Variants in TINAG observed in about 807,000 individuals in gnomAD.
TINAG encodes the protein tubulointerstitial nephritis antigen.
In TINAG, 83 loss-of-function variants were observed where a neutral mutation model predicts 72.7. The ratio of observed to expected loss-of-function variants is 1.14; its 90% CI spans 0.96 to 1.37. The LOEUF is 1.37. TINAG is among the 40% of genes most tolerant of loss of function. TINAG has a pLI of 0.00. For synonymous variants in TINAG, 234 were observed against 189.9 expected, an observed-to-expected ratio of 1.23 and a Z score of -1.91; for missense variants, 685 against 576.6, an observed-to-expected ratio of 1.19 and a Z score of -1.93.
intron 7 of TINAG, among the ~76,000 whole-genome samples, chr6:54,350,150 C>T (rs964671158): frequency 6.6e-6 from 1 of 151,930 alleles, no homozygotes; most frequent in Non-Finnish European, 1.5e-5. Context: ...AATTATGTTT[C>T]ATAATATGTG....
At chr6:54,368,389 A>G (rs1010654988) in intron 9 of TINAG, among the ~76,000 whole-genome samples, 3 of 148,610 alleles carry the variant, frequency 2.0e-5, no homozygotes, top group South Asian at 2.1e-4. Context: ...ATTATTATAC[A>G]TTATTAAATT....
chr6:54,333,123 T>C (rs919831258), intron 4 of TINAG, among the ~76,000 whole-genome samples: 2 of 152,184 alleles, frequency 1.3e-5, no homozygotes, highest in Admixed American at 6.5e-5. Context: ...ACTGGGTATA[T>C]ACCTAAAGGT....
intron 3 of TINAG, among the ~76,000 whole-genome samples, chr6:54,323,350 A>C (rs1784534896): frequency 6.6e-6 from 1 of 152,188 alleles, no homozygotes; most frequent in South Asian, 2.1e-4. Flanking sequence ...GAAGTCTTTA[A>C]ATTTAAAAGA....
intron 9 of TINAG, among the ~76,000 whole-genome samples, chr6:54,370,642 C>T (rs1417399837): frequency 6.6e-6 from 1 of 151,984 alleles, no homozygotes; most frequent in Non-Finnish European, 1.5e-5. Context: ...TTTGTTGCAG[C>T]CATCAATTAG....
In TINAG at chr6:54,360,841, G is replaced by GTTTTTTT. The variant is rs70983415; in HGVS notation, c.1250+6230_1250+6236dup. ...GTTTCTTGTGTTTCACAGATACTGT[G>GTTTTTTT]TTTTTTTTTTTTTTTTTTTTTTTTT... On this transcript the variant is annotated intron_variant, in intron 9 of 10. Transcript: ENST00000259782. 6.5e-4 allele frequency among the ~76,000 whole-genome samples: 17 copies of GTTTTTTT among 26,254 alleles called. 2 individuals carry two copies. Among genetic ancestry groups the GTTTTTTT allele is most frequent in the African/African-American group, 8.1e-4 (8 of 9,874 alleles). The allele number at this position is 26,254 out of a possible 152,430, so 17.2% of individuals were successfully genotyped here.
chr6:54,309,871 A>G (rs996914535), intron 1 of TINAG, among the ~76,000 whole-genome samples: 20 of 151,120 alleles, frequency 1.3e-4, no homozygotes, highest in Non-Finnish European at 2.7e-4. Flanking sequence ...TCCAGATGCC[A>G]TAGCCATCAT....
At chr6:54,364,798 T>C (rs970993459) in intron 9 of TINAG, among the ~76,000 whole-genome samples, 2 of 151,396 alleles carry the variant, frequency 1.3e-5, no homozygotes, top group Admixed American at 6.6e-5. Context: ...CTATCATCTG[T>C]CTATCTAGCT....
intron 9 of TINAG, among the ~76,000 whole-genome samples, chr6:54,371,472 A>T (rs1763604826): frequency 1.3e-5 from 2 of 151,862 alleles, no homozygotes; most frequent in South Asian, 4.1e-4. Flanking sequence ...ATGTATTTTC[A>T]GAATTAAAAA....
At chr6:54,368,870 C>T (rs1213703860) in intron 9 of TINAG, among the ~76,000 whole-genome samples, 1 of 151,500 alleles carries the variant, frequency 6.6e-6, no homozygotes, top group African/African-American at 2.4e-5. Context: ...CAGATAAATG[C>T]TATATTTCAG....
At chr6:54,361,874 G>C (rs928827622) in intron 9 of TINAG, among the ~76,000 whole-genome samples, 112 of 151,700 alleles carry the variant, frequency 7.4e-4, no homozygotes, top group Non-Finnish European at 7.7e-4. Context: ...TAGTGGACTG[G>C]AAAGAAGATC....
intron 9 of TINAG, among the ~76,000 whole-genome samples, chr6:54,355,845 G>C (rs531943903): frequency 3.7e-4 from 56 of 150,798 alleles, no homozygotes; most frequent in African/African-American, 1.3e-3. Flanking sequence ...GAGAAACAAA[G>C]AAAGAAAGAA....
chr6:54,308,961 C>T (rs368092557), intron 1 of TINAG, 56 bp downstream of exon 1: 3 of 1,352,382 alleles, frequency 2.2e-6, no homozygotes, highest in East Asian at 2.3e-5. Context: ...CAAGATCTGA[C>T]AAACGTTCTC....
rs568202314 is a variant in TINAG at position 54,358,076 on chromosome 6, GC to G, written c.1250+3442del. On this transcript the variant is annotated intron_variant, in intron 9 of 10. Transcript: ENST00000259782. ...ATGTTTCAGCAACATGTACCCCAGT[GC>G]CTTTCCCTCTACCTAAAATGCTCTT... Among the ~76,000 whole-genome samples, 1,000 of 151,708 alleles carry G rather than the reference GC, an allele frequency of 6.6e-3. 6 individuals carry two copies. The highest frequency in any genetic ancestry group is 0.011 in the Non-Finnish European group (741 of 67,832).
upstream of TINAG, chr6:54,308,433 G>A (rs147055356): frequency 4.4e-5 from 35 of 800,312 alleles, no homozygotes; most frequent in African/African-American, 5.1e-4. Context: ...TAAAGGATCA[G>A]TTTCAGGGTT....
chr6:54,368,317 T>G (rs745832397), intron 9 of TINAG, among the ~76,000 whole-genome samples: 61 of 147,776 alleles, frequency 4.1e-4, no homozygotes, highest in Non-Finnish European at 7.9e-4. Flanking sequence ...AAGTAATTAT[T>G]AAGTAATAAT....
chr6:54,348,195 T>C (rs1785171580), intron 6 of TINAG, among the ~76,000 whole-genome samples: 2 of 152,134 alleles, frequency 1.3e-5, no homozygotes, highest in African/African-American at 2.4e-5. Context: ...GCTATAGGAC[T>C]AGTTAGATGC....
intron 5 of TINAG, among the ~76,000 whole-genome samples, chr6:54,346,699 C>T (rs1320657751): frequency 1.3e-5 from 2 of 151,734 alleles, no homozygotes; most frequent in Admixed American, 1.3e-4. Context: ...AATTCCATGT[C>T]TACTAAAACA....
chr6:54,358,677 T>C (rs1763136010), intron 9 of TINAG, among the ~76,000 whole-genome samples: 1 of 151,872 alleles, frequency 6.6e-6, no homozygotes, highest in South Asian at 2.1e-4. Context: ...CCTTAGTTTA[T>C]AGCTCAGATA....
At chr6:54,337,913 T>C (rs1784905392) in intron 4 of TINAG, among the ~76,000 whole-genome samples, 2 of 152,192 alleles carry the variant, frequency 1.3e-5, no homozygotes, top group African/African-American at 2.4e-5. Context: ...AATTTTTTCA[T>C]CCATGTAGGG....
Sources: gnomAD v4.1 joint callset for allele counts (sites outside exome capture counted in the v4.1 genomes callset) on GRCh38, gnomAD v4.1.1 for gene constraint, MANE v1.5 for transcripts, NCBI Gene and HGNC (gene_info 2026-07-23, HGNC 2026-07-21) for gene names.